SEC14L4: variants seen among roughly 807,000 people sequenced by gnomAD.
SEC14L4 encodes SEC14-like protein 4.
A neutral mutation model predicts 55.1 loss-of-function variants in SEC14L4; 42 were observed. The ratio of observed to expected loss-of-function variants is 0.76; its 90% CI spans 0.60 to 0.99. The LOEUF (loss-of-function observed/expected upper bound fraction) is 0.99, where lower values mean the gene tolerates loss of function less well. SEC14L4 is among the 50% of genes least tolerant of loss of function. The pLI, the probability that SEC14L4 is intolerant of heterozygous loss-of-function variation, is 0.00. For synonymous variants in SEC14L4, 206 were observed against 206.8 expected (o/e 1.00, Z 0.03); for missense variants, 445 against 512.1 (o/e 0.87, Z 1.27).
Position 30,492,455 on chromosome 22 carries a change from A to AG in SEC14L4, c.664+18dup, listed in dbSNP as rs1413413395. 3 of 1,602,236 alleles carry AG rather than the reference A, an allele frequency of 1.9e-6. No individual in the cohort carries two copies. Among genetic ancestry groups the AG allele is most frequent in the South Asian group, 1.1e-5 (1 of 90,806 alleles). ...GCTTCCCAGGCAGATGGACACAACC[A>AG]GGGGGCCACGTCGCTCACCTCCCAG... On this transcript the variant is annotated intron_variant, in intron 8 of 11. Coordinates refer to ENST00000255858, the MANE Select transcript of SEC14L4 (RefSeq NM_174977.4).
intron 5 of SEC14L4, 117 bp from the exon 6 acceptor site, chr22:30,495,078 C>T (rs1348678593): frequency 6.5e-6 from 6 of 928,230 alleles, no homozygotes; most frequent in Middle Eastern, 2.3e-4. Flanking sequence ...CAGCCCACAG[C>T]GTTTTCCAGA....
intron 2 of SEC14L4, among the ~76,000 whole-genome samples, chr22:30,501,852 T>TAG (rs552375055): frequency 0.012 from 1,644 of 139,510 alleles, 61 homozygotes; most frequent in African/African-American, 0.041. Context: ...CGCACATATA[T>TAG]ATATATATAT....
chr22:30,495,789 G>A (rs1936129953), intron 3 of SEC14L4, 139 bp downstream of exon 3: 1 of 1,596,994 alleles, frequency 6.3e-7, no homozygotes, highest in Admixed American at 1.7e-5. Flanking sequence ...GGGGACTTGG[G>A]TCTGATGCAG....
intron 6 of SEC14L4, among the ~76,000 whole-genome samples, chr22:30,494,412 A>G (rs901295297): frequency 2.0e-5 from 3 of 152,130 alleles, no homozygotes; most frequent in African/African-American, 7.2e-5. Context: ...CTGTCTCCCA[A>G]GGTGGAGTAT....
intron 2 of SEC14L4, among the ~76,000 whole-genome samples, chr22:30,501,989 C>A (rs970532177): frequency 1.3e-5 from 2 of 151,130 alleles, no homozygotes. Context: ...GCCTCAGCCT[C>A]CTGAGTAGCT....
At chr22:30,501,584 A>G (rs1936321852) in intron 2 of SEC14L4, among the ~76,000 whole-genome samples, 1 of 152,082 alleles carries the variant, frequency 6.6e-6, no homozygotes, top group Non-Finnish European at 1.5e-5. Context: ...ACTAAATATA[A>G]TGTGGGATCC....
chr22:30,499,440 T>G (rs1241789120), intron 2 of SEC14L4, among the ~76,000 whole-genome samples: 7 of 151,828 alleles, frequency 4.6e-5, no homozygotes, highest in Non-Finnish European at 8.8e-5. Context: ...AATTTTCTTT[T>G]TTAAAAAATT....
In SEC14L4 at chr22:30,503,759, G is replaced by T. The variant is rs768105506; in HGVS notation, c.55-7C>A. 1.9e-6 allele frequency: 3 copies of T among 1,610,200 alleles called. No homozygotes were observed. In the African/African-American group the frequency reaches 4.0e-5, roughly 22 times the overall value. On this transcript the variant is annotated splice_region_variant and splice_polypyrimidine_tract_variant and intron_variant, in intron 1 of 11. Transcript: ENST00000255858. The stretch of plus-strand genomic sequence containing the variant: ...CCTGGAGGTTCTCCCGGAACTGAGC[G>T]GAGGAGGATCTGATGGTCGGCGGAG...
At chr22:30,505,010 T>C (rs1013342408) in intron 1 of SEC14L4, among the ~76,000 whole-genome samples, 2 of 151,670 alleles carry the variant, frequency 1.3e-5, no homozygotes, top group African/African-American at 4.8e-5. Context: ...CGGGCACCTG[T>C]AGCCCCAGCT....
chr22:30,502,114 C>T (rs1195001550), intron 2 of SEC14L4, among the ~76,000 whole-genome samples: 2 of 151,734 alleles, frequency 1.3e-5, no homozygotes, highest in East Asian at 3.9e-4. Context: ...GATCTGCCCG[C>T]CTCGGCCTCC....
chr22:30,489,739 C>G lies in SEC14L4; in HGVS notation c.*368G>C. The G allele has an allele frequency of 1.1e-6, 1 of 896,674 alleles. No homozygotes were observed. The highest frequency in any genetic ancestry group is 2.6e-5 in the East Asian group (1 of 38,108). The allele number at this position is 896,674 out of a possible 1,614,324, so 55.5% of individuals were successfully genotyped here. A position where few individuals can be genotyped will look rare whatever the true frequency, so the allele number is the denominator to read the frequency against. On this transcript the variant is annotated 3_prime_UTR_variant, in exon 12 of 12. Coordinates refer to ENST00000255858, the MANE Select transcript of SEC14L4 (RefSeq NM_174977.4). ...CAGGACCTAGGAACCACGCACACCC[C>G]CTGAAGCTGGAACACCAGGCATGGG...
rs1310774869 is a variant in SEC14L4, at chr22:30,488,989, G to A, written c.*1118C>T. 1.4e-5 allele frequency: 2 copies of A among 147,204 alleles called. No individual in the cohort carries two copies. Among genetic ancestry groups the A allele is most frequent in the Non-Finnish European group, 3.0e-5 (2 of 67,636 alleles). The allele number at this position is 147,204 out of a possible 1,614,324, so 9.1% of individuals were successfully genotyped here. A position where few individuals can be genotyped will look rare whatever the true frequency, so the allele number is the denominator to read the frequency against. The stretch of plus-strand genomic sequence containing the variant: ...TTTAGGAGTTTAATCTAGATGGTTT[G>A]CTGTTTCTAGCAGCAGAGCACCTGT... On this transcript the variant is annotated 3_prime_UTR_variant, in exon 12 of 12. Coordinates refer to ENST00000255858, the MANE Select transcript of SEC14L4 (RefSeq NM_174977.4).
At position 30,495,404 on chromosome 22, in the gene SEC14L4, G is replaced by A. The variant is rs200916088; in HGVS notation, c.273C>T (p.Tyr91=). 49 of 1,613,936 alleles carry A rather than the reference G, an allele frequency of 3.0e-5. No homozygotes were observed. Among genetic ancestry groups the A allele is most frequent in the South Asian group, 2.5e-4 (23 of 91,058 alleles). Residue 91 remains tyrosine (Y), a synonymous_variant, in exon 5 of 12, where the codon TAC becomes TAT. Coordinates refer to ENST00000255858, the MANE Select transcript of SEC14L4 (RefSeq NM_174977.4). ...QLYDSGGLCG[Y]DYEGCPVYFN... ...AGTACACAGGGCAGCCTTCGTAGTC[G>A]TAGCCACAAAGACCACCCGAGTCAT...
At chr22:30,490,631 T>C (rs113759807) in intron 11 of SEC14L4, among the ~76,000 whole-genome samples, 253 of 152,320 alleles carry the variant, frequency 1.7e-3, no homozygotes, top group African/African-American at 5.8e-3. Flanking sequence ...CTAGTTGCGG[T>C]TGCACAGGTA....
At position 30,505,483 on chromosome 22, in the gene SEC14L4, G is replaced by A. The variant is rs548083607; in HGVS notation, c.54+75C>T. 27 of 1,409,414 alleles carry A rather than the reference G, an allele frequency of 1.9e-5. No homozygotes were observed. The Admixed American group carries it at 3.0e-4, about 15-fold the overall frequency. 87.3% of individuals were successfully genotyped at this position (1,409,414 alleles called of 1,614,324 possible). The stretch of plus-strand genomic sequence containing the variant: ...TCGGTGTTCCAGTCTGTACCATGGG[G>A]GCTCCAGCCGGGTTGGGCAGTGCCA... On this transcript the variant is annotated intron_variant, in intron 1 of 11. Transcript: ENST00000255858.
rs1056003928 is a variant in SEC14L4, at chr22:30,491,675, G to A, written c.979C>T (p.Gln327Ter). 1.9e-6 allele frequency: 3 copies of A among 1,614,030 alleles called. No homozygotes were observed. Among genetic ancestry groups the A allele is most frequent in the Admixed American group, 3.3e-5 (2 of 59,990 alleles). Residue 327 changes from glutamine to a stop codon, truncating the protein, a stop_gained, in exon 11 of 12, where the codon CAG (glutamine) becomes TAG (stop). Coordinates refer to ENST00000255858, the MANE Select transcript of SEC14L4 (RefSeq NM_174977.4). LOFTEE classifies it high-confidence loss of function. ...TCCGTCATCTCCCTAGCACTCTGCT[G>A]CTCCCCCATCTTGGTCTTCAGGAAA... Reference protein sequence around the residue: ...GVFLKTKMGEQQSAREMTEVL... With the variant: ...GVFLKTKMGE
chr22:30,490,246 T>G lies in SEC14L4; in HGVS notation c.1082A>C (p.Tyr361Ser), dbSNP rs201528567. 6 of 1,612,906 alleles carry G rather than the reference T, an allele frequency of 3.7e-6. No individual in the cohort carries two copies. The highest frequency in any genetic ancestry group is 5.1e-6 in the Non-Finnish European group (6 of 1,180,004). ...GSLTCLQAGV[Y>S]VLRFDNTYSR... Reference sequence around the variant, plus strand: ...GTAGGTGTTGTCGAAGCGCAGGACATCTGCAGTGATGGAGAGGTGATCAGG... The same window carrying G: ...GTAGGTGTTGTCGAAGCGCAGGACAGCTGCAGTGATGGAGAGGTGATCAGG... Residue 361 changes from tyrosine (Y) to serine (S), a missense_variant and splice_region_variant, in exon 12 of 12, where the codon TAT becomes TCT. By Grantham distance (144) the Tyr-to-Ser change is moderately radical. Transcript: ENST00000255858.
chr22:30,489,681 C>T lies in SEC14L4; in HGVS notation c.*426G>A, dbSNP rs1935888355. ...CTCCTACATGCAGAGAACAGGGCTT[C>T]TCTGCTCTTCAGGCCTGAAGCTGTG... On this transcript the variant is annotated 3_prime_UTR_variant, in exon 12 of 12. Transcript: ENST00000255858. 3.1e-6 allele frequency: 2 copies of T among 643,264 alleles called. No individual in the cohort carries two copies. The highest frequency in any genetic ancestry group is 5.5e-6 in the Non-Finnish European group (2 of 360,524). 39.8% of individuals were successfully genotyped at this position (643,264 alleles called of 1,614,324 possible).
intron 2 of SEC14L4, among the ~76,000 whole-genome samples, chr22:30,496,473 G>T (rs572678412): frequency 6.6e-6 from 1 of 152,026 alleles, no homozygotes; most frequent in Non-Finnish European, 1.5e-5. Context: ...TAGAAGACTG[G>T]AGAGCCCTTG....
Sources: gnomAD v4.1 joint callset for allele counts (sites outside exome capture counted in the v4.1 genomes callset) on GRCh38, gnomAD v4.1.1 for gene constraint, MANE v1.5 for transcripts, NCBI Gene and HGNC (gene_info 2026-07-23, HGNC 2026-07-21) for gene names.